Variants in FBN1 observed in about 807,000 individuals in gnomAD.
FBN1 encodes the protein fibrillin-1.
In FBN1, 29 loss-of-function variants were observed where a neutral mutation model predicts 365.1. The ratio of observed to expected loss-of-function variants is 0.08; its 90% CI spans 0.06 to 0.11. The LOEUF (loss-of-function observed/expected upper bound fraction) is 0.11, where lower values mean the gene tolerates loss of function less well. Ranked by LOEUF, FBN1 falls within the 10% of genes least tolerant of loss-of-function variation. The pLI, the probability that FBN1 is intolerant of heterozygous loss-of-function variation, is 1.00. For missense variants in FBN1, 2,476 were observed against 3,703.2 expected (o/e 0.67, Z 8.60); for synonymous variants, 1,210 against 1,270.5 (o/e 0.95, Z 1.01).
intron 2 of FBN1, among the ~76,000 whole-genome samples, chr15:48,619,081 T>A (rs1226723793): frequency 6.6e-6 from 1 of 151,860 alleles, no homozygotes; most frequent in Non-Finnish European, 1.5e-5. Context: ...CATCCCCCCA[T>A]CCCCCAGCAC....
rs750727783 is a variant in FBN1 at position 48,489,941 on chromosome 15, T to C, written c.2992A>G (p.Met998Val). 1.9e-6 allele frequency: 3 copies of C among 1,614,164 alleles called. No homozygotes were observed. The highest frequency in any genetic ancestry group is 2.5e-6 in the Non-Finnish European group (3 of 1,180,018). Residue 998 changes from methionine (M) to valine (V), a missense_variant, in exon 25 of 66, where the codon ATG (methionine) becomes GTG (valine). By Grantham distance (21) the Met-to-Val change is conservative (BLOSUM62 1). This residue lies in a region of FBN1 where 1,780 missense variants were observed against 2,840.8 expected (regional missense o/e 0.63). Coordinates refer to ENST00000316623, the MANE Select transcript of FBN1 (RefSeq NM_000138.5). ...WGTEECEECP[M>V]RNTPEYEELC... is the part of the protein sequence containing the mutation. ...TCCTCGTACTCAGGAGTATTTCTCA[T>C]GGGACACTCCTCGCATTCCTCAGTA... is the stretch of plus-strand genomic sequence containing the variant.
At chr15:48,498,396 T>G (rs867512780) in intron 18 of FBN1, among the ~76,000 whole-genome samples, 23 of 152,340 alleles carry the variant, frequency 1.5e-4, no homozygotes, top group African/African-American at 5.5e-4. Context: ...TGTAGCTTTA[T>G]ATTAATAAAA....
Position 48,542,832 on chromosome 15 carries a change from T to TG in FBN1, c.539-5025_539-5024insC, listed in dbSNP as rs1491435027. 3.3e-3 allele frequency among the ~76,000 whole-genome samples: 489 copies of TG among 147,792 alleles called. 1 individual carries two copies. Among genetic ancestry groups the TG allele is most frequent in the African/African-American group, 0.012 (460 of 39,688 alleles). ...GTGTGTGTGTGTGTGTGTGTGTGTA[T>TG]TTTTTTTCCTTCTTTCTCTTTTCCT... On this transcript the variant is annotated intron_variant, in intron 6 of 65. Transcript: ENST00000316623.
chr15:48,583,906 C>T (rs998971976), intron 6 of FBN1, among the ~76,000 whole-genome samples: 7 of 152,152 alleles, frequency 4.6e-5, no homozygotes, highest in African/African-American at 1.7e-4. Context: ...GTTGACCTTT[C>T]TATATCCAGC....
chr15:48,494,793 A>G lies in FBN1; in HGVS notation c.2677+330T>C, dbSNP rs976916666. On this transcript the variant is annotated intron_variant, in intron 22 of 65. Coordinates refer to ENST00000316623, the MANE Select transcript of FBN1 (RefSeq NM_000138.5). Reference sequence around the variant, plus strand: ...TTTAGTCATGAATACCGGTTTCTTTACATCAATTAGCTTTTTGAAAGATAA... The same window carrying G: ...TTTAGTCATGAATACCGGTTTCTTTGCATCAATTAGCTTTTTGAAAGATAA... Among the ~76,000 whole-genome samples the G allele has an allele frequency of 7.9e-5, 12 of 152,208 alleles. 1 individual carries two copies. Among genetic ancestry groups the G allele is most frequent in the Admixed American group, 7.2e-4 (11 of 15,284 alleles).
intron 29 of FBN1, 100 bp downstream of exon 29, chr15:48,486,975 T>C (rs1566909277): frequency 2.1e-6 from 2 of 970,320 alleles, no homozygotes; most frequent in Non-Finnish European, 2.8e-6. Context: ...TAGAGTGTTT[T>C]AGGGAGAGAT....
intron 61 of FBN1, 106 bp downstream of exon 61, chr15:48,421,846 A>G (rs2042944953): frequency 5.8e-6 from 7 of 1,214,210 alleles, no homozygotes; most frequent in Admixed American, 1.8e-5. Flanking sequence ...GCACTCATAT[A>G]TTTCTTTGAG....
At chr15:48,528,259 T>G (rs2043933326) in intron 8 of FBN1, among the ~76,000 whole-genome samples, 1 of 152,202 alleles carries the variant, frequency 6.6e-6, no homozygotes, top group Non-Finnish European at 1.5e-5. Context: ...AAAAATTTGT[T>G]TAAACAATAG....
chr15:48,564,220 C>T (rs554421526), intron 6 of FBN1, among the ~76,000 whole-genome samples: 18 of 152,260 alleles, frequency 1.2e-4, no homozygotes, highest in African/African-American at 4.3e-4. Context: ...TCACCCATCA[C>T]CTTCATCATC....
intron 2 of FBN1, among the ~76,000 whole-genome samples, chr15:48,634,246 T>A (rs181519361): frequency 6.6e-6 from 1 of 152,222 alleles, no homozygotes; most frequent in African/African-American, 2.4e-5. Flanking sequence ...TAGTACCATA[T>A]ACACAGGTGC....
intron 27 of FBN1, 127 bp from the exon 28 acceptor site, chr15:48,487,564 G>T: frequency 8.3e-6 from 11 of 1,319,040 alleles, no homozygotes; most frequent in Non-Finnish European, 1.1e-5. Context: ...ACAACTCTCT[G>T]GTGCTATTCA....
intron 12 of FBN1, among the ~76,000 whole-genome samples, chr15:48,515,119 C>T (rs1169492813): frequency 6.6e-6 from 1 of 152,156 alleles, no homozygotes; most frequent in African/African-American, 2.4e-5. Context: ...GCTAAGGACA[C>T]AGGCAGCTGC....
intron 47 of FBN1, among the ~76,000 whole-genome samples, chr15:48,445,869 T>C (rs1597532968): frequency 6.6e-6 from 1 of 152,140 alleles, no homozygotes; most frequent in Non-Finnish European, 1.5e-5. Flanking sequence ...CTTTGTATTC[T>C]TGCAATTAGA....
chr15:48,616,537 T>C (rs1889657276), intron 2 of FBN1, among the ~76,000 whole-genome samples: 2 of 152,224 alleles, frequency 1.3e-5, no homozygotes, highest in African/African-American at 4.8e-5. Context: ...AACCAAAATA[T>C]GTAAACTCTA....
intron 6 of FBN1, among the ~76,000 whole-genome samples, chr15:48,564,619 G>A (rs753971919): frequency 4.6e-5 from 7 of 151,758 alleles, no homozygotes; most frequent in South Asian, 4.2e-4. Context: ...CTCACATATC[G>A]ATGAAATAAA....
At chr15:48,608,200 C>A (rs893823215) in intron 4 of FBN1, among the ~76,000 whole-genome samples, 4 of 152,224 alleles carry the variant, frequency 2.6e-5, no homozygotes, top group African/African-American at 9.6e-5. Flanking sequence ...AACAACACTT[C>A]TTCCATTCTG....
chr15:48,420,744 A>G lies in FBN1; in HGVS notation c.7762T>C (p.Tyr2588His). ...QHGCQNIIGG[Y>H]RCSCPQGYLQ... is the part of the protein sequence containing the mutation. ...TAGCCCTGGGGGCAGCTGCACCTGTAGCCCCCAATGATGTTCTGGCAGCCA... is the reference window on the plus strand; with the variant it reads ...TAGCCCTGGGGGCAGCTGCACCTGTGGCCCCCAATGATGTTCTGGCAGCCA... The change falls in exon 63 of 66, where the codon TAC (tyrosine) becomes CAC (histidine). Residue 2588 changes from tyrosine to histidine, a missense_variant. Tyr to His is a moderately conservative substitution (Grantham distance 83). Transcript: ENST00000316623. 6.2e-7 allele frequency: 1 copy of G among 1,613,960 alleles called. No homozygotes were observed. The highest frequency in any genetic ancestry group is 8.5e-7 in the Non-Finnish European group (1 of 1,179,832).
At chr15:48,516,589 C>A (rs1369040299) in intron 10 of FBN1, among the ~76,000 whole-genome samples, 1 of 152,322 alleles carries the variant, frequency 6.6e-6, no homozygotes, top group Non-Finnish European at 1.5e-5. Context: ...AACCATGTTC[C>A]TCCCAAAACC....
chr15:48,544,382 G>C (rs1368329060), intron 6 of FBN1, among the ~76,000 whole-genome samples: 2 of 152,152 alleles, frequency 1.3e-5, no homozygotes, highest in Non-Finnish European at 1.5e-5. Flanking sequence ...AACTGCTTCT[G>C]AGGTATGGCT....
Sources: gnomAD v4.1 joint callset for allele counts (sites outside exome capture counted in the v4.1 genomes callset) on GRCh38, gnomAD v4.1.1 for gene constraint, gnomAD v4.1.1 regional missense constraint, MANE v1.5 for transcripts, NCBI Gene and HGNC (gene_info 2026-07-23, HGNC 2026-07-21) for gene names.